The following KIAA1549L variants were observed in gnomAD, a reference collection of about 807,000 sequenced individuals.
KIAA1549L encodes KIAA1549 like, also known as UPF0606 protein KIAA1549L.
KIAA1549L carries 88 observed loss-of-function variants against 160.7 expected under a neutral mutation model. The observed-to-expected ratio is 0.55, with a 90% CI of 0.46 to 0.65. KIAA1549L has a LOEUF of 0.65. KIAA1549L is among the 30% of genes least tolerant of loss of function. KIAA1549L has a pLI of 0.00. For missense variants in KIAA1549L, 2,258 were observed against 2,437.5 expected, an observed-to-expected ratio of 0.93 and a Z score of 1.55; for synonymous variants, 950 against 976.7, an observed-to-expected ratio of 0.97 and a Z score of 0.51.
At chr11:33,449,000 C>T (rs1335894310) in intron 1 of KIAA1549L, among the ~76,000 whole-genome samples, 5 of 152,126 alleles carry the variant, frequency 3.3e-5, no homozygotes, top group Non-Finnish European at 5.9e-5. Flanking sequence ...AAGAATACAT[C>T]CTCTGGGTTT....
At chr11:33,430,207 C>G (rs890993349) in intron 1 of KIAA1549L, among the ~76,000 whole-genome samples, 1 of 142,438 alleles carries the variant, frequency 7.0e-6, no homozygotes, top group Non-Finnish European at 1.5e-5. Flanking sequence ...TTCCCTCCCT[C>G]TCTCCCTCCC....
rs1189813275 is a variant in KIAA1549L at position 33,619,658 on chromosome 11, T to TACAC, written c.5409+997_5409+998insCACA. ...AATTTCTAATCACCTTCCTTATATT[T>TACAC]AAACTTGATGTTTGTGTTAGTAGTG... is the stretch of plus-strand genomic sequence containing the variant. On this transcript the variant is annotated intron_variant, in intron 16 of 20. Transcript: ENST00000658780. Among the ~76,000 whole-genome samples the TACAC allele has an allele frequency of 4.3e-4, 66 of 152,358 alleles. 3 individuals are homozygous for TACAC. The East Asian group carries it at 0.012, about 28-fold the overall frequency.
chr11:33,498,704 G>A (rs1348550941), intron 1 of KIAA1549L, among the ~76,000 whole-genome samples: 2 of 152,210 alleles, frequency 1.3e-5, no homozygotes, highest in Non-Finnish European at 2.9e-5. Flanking sequence ...GGTCAGCCTA[G>A]ATTCAAAGGG....
rs2133476985 is a variant in KIAA1549L, at chr11:33,671,791, A to C, written c.*3637A>C. On this transcript the variant is annotated 3_prime_UTR_variant, in exon 21 of 21. Transcript: ENST00000658780. ...CACAGGTGCTCAACATTTAATGAATAATATAACAGATACTGTCTTAAAAGT... is the reference window on the plus strand; with the variant it reads ...CACAGGTGCTCAACATTTAATGAATCATATAACAGATACTGTCTTAAAAGT... The C allele has an allele frequency of 6.6e-6, 1 of 152,348 alleles. No homozygotes were observed. The highest frequency in any genetic ancestry group is 6.5e-5 in the Admixed American group (1 of 15,310). The allele number at this position is 152,348 out of a possible 1,614,324, so 9.4% of individuals were successfully genotyped here. A position where few individuals can be genotyped will look rare whatever the true frequency, so the allele number is the denominator to read the frequency against.
chr11:33,617,675 G>A (rs958423415), intron 15 of KIAA1549L, among the ~76,000 whole-genome samples: 1 of 152,218 alleles, frequency 6.6e-6, no homozygotes, highest in African/African-American at 2.4e-5. Flanking sequence ...TCTCTCATTA[G>A]GATGTAATCT....
intron 1 of KIAA1549L, among the ~76,000 whole-genome samples, chr11:33,403,968 C>T (rs890340340): frequency 3.3e-5 from 5 of 152,132 alleles, no homozygotes; most frequent in Admixed American, 1.3e-4. Context: ...ATTTCATAAC[C>T]ACTGATTTAG....
chr11:33,392,500 C>T (rs1850290398), intron 1 of KIAA1549L, among the ~76,000 whole-genome samples: 1 of 152,102 alleles, frequency 6.6e-6, no homozygotes, highest in African/African-American at 2.4e-5. Context: ...ATACAAAACT[C>T]TTGAGTACAT....
At chr11:33,382,890 G>T (rs903458587) in intron 1 of KIAA1549L, among the ~76,000 whole-genome samples, 7 of 152,112 alleles carry the variant, frequency 4.6e-5, no homozygotes, top group African/African-American at 1.4e-4. Context: ...GGATACTGCA[G>T]CATTTGGGGG....
At chr11:33,418,708 G>A (rs1416870384) in intron 1 of KIAA1549L, among the ~76,000 whole-genome samples, 4 of 152,136 alleles carry the variant, frequency 2.6e-5, no homozygotes, top group Non-Finnish European at 5.9e-5. Flanking sequence ...GCTTGTTTGT[G>A]TATAACCCAC....
chr11:33,648,430 C>T (rs978258192), intron 17 of KIAA1549L, among the ~76,000 whole-genome samples: 3 of 151,262 alleles, frequency 2.0e-5, no homozygotes, highest in Admixed American at 1.3e-4. Flanking sequence ...ATTCTTAACC[C>T]AAGCTCATGC....
chr11:33,435,832 G>GTATATATA (rs1270906295), intron 1 of KIAA1549L, among the ~76,000 whole-genome samples: 2,983 of 32,984 alleles, frequency 0.09, 384 homozygotes, highest in South Asian at 0.12. Context: ...ATATATATAT[G>GTATATATA]TATATGTATA....
intron 10 of KIAA1549L, among the ~76,000 whole-genome samples, chr11:33,581,393 C>A (rs1257805665): frequency 8.3e-6 from 1 of 121,126 alleles, no homozygotes; most frequent in Non-Finnish European, 1.7e-5. Flanking sequence ...TTCCTTCTGA[C>A]AAATTGTGTG....
chr11:33,563,714 A>G (rs1159144674), intron 8 of KIAA1549L, among the ~76,000 whole-genome samples: 1 of 152,242 alleles, frequency 6.6e-6, no homozygotes, highest in Non-Finnish European at 1.5e-5. Flanking sequence ...CCAAGAGAGA[A>G]ACAGTGCTAA....
chr11:33,640,091 T>C (rs1851545377), intron 16 of KIAA1549L, among the ~76,000 whole-genome samples: 1 of 152,084 alleles, frequency 6.6e-6, no homozygotes. Context: ...TATGTGTGCA[T>C]ATATATATTT....
intron 16 of KIAA1549L, among the ~76,000 whole-genome samples, chr11:33,626,705 G>C: frequency 2.7e-5 from 3 of 110,456 alleles, no homozygotes; most frequent in African/African-American, 8.1e-5. Flanking sequence ...TCTGCAAACA[G>C]GGACAATTTG....
intron 1 of KIAA1549L, among the ~76,000 whole-genome samples, chr11:33,523,890 A>G (rs1253088088): frequency 6.6e-6 from 1 of 151,970 alleles, no homozygotes; most frequent in Non-Finnish European, 1.5e-5. Flanking sequence ...CTCCTTCTAC[A>G]TTTTTGCTTG....
At chr11:33,491,621 C>T (rs935589481) in intron 1 of KIAA1549L, among the ~76,000 whole-genome samples, 17 of 152,298 alleles carry the variant, frequency 1.1e-4, no homozygotes, top group Non-Finnish European at 1.9e-4. Context: ...CTAAAACATC[C>T]TTCCCAACAA....
Position 33,672,416 on chromosome 11 carries a change from T to C in KIAA1549L, c.*4262T>C, listed in dbSNP as rs1852696571. ...ATGGGTGAGCCACCCTGGGGTCAGGTGCCTGTCCAATCACCTGTTACCAAG... is the reference window on the plus strand; with the variant it reads ...ATGGGTGAGCCACCCTGGGGTCAGGCGCCTGTCCAATCACCTGTTACCAAG... On this transcript the variant is annotated 3_prime_UTR_variant, in exon 21 of 21. Coordinates refer to ENST00000658780, the MANE Select transcript of KIAA1549L (RefSeq NM_012194.3). 6.6e-6 allele frequency: 1 copy of C among 152,418 alleles called. No individual in the cohort carries two copies. The highest frequency in any genetic ancestry group is 6.5e-5 in the Admixed American group (1 of 15,284). The allele number at this position is 152,418 out of a possible 1,614,324, so 9.4% of individuals were successfully genotyped here. A position where few individuals can be genotyped will look rare whatever the true frequency, so the allele number is the denominator to read the frequency against.
chr11:33,506,332 C>T (rs1000302241), intron 1 of KIAA1549L, among the ~76,000 whole-genome samples: 36 of 152,206 alleles, frequency 2.4e-4, no homozygotes, highest in Non-Finnish European at 5.9e-5. Flanking sequence ...ATTCAAAGCA[C>T]ATGCTGGGGC....
Sources: allele counts gnomAD v4.1 joint callset (sites outside exome capture counted in the v4.1 genomes callset), GRCh38; gene constraint gnomAD v4.1.1; transcripts MANE v1.5; gene names NCBI Gene and HGNC (gene_info 2026-07-23, HGNC 2026-07-21).